The following PARD3 variants were observed in gnomAD, a reference collection of about 807,000 sequenced individuals.
PARD3 encodes partitioning defective 3 homolog.
Under a neutral mutation model 155.4 loss-of-function variants are expected in PARD3, and 75 were observed. The ratio of observed to expected loss-of-function variants is 0.48; its 90% confidence interval spans 0.40 to 0.58. PARD3 has a LOEUF of 0.58. Among genes scored for constraint, PARD3 ranks in the 20% least tolerant of loss-of-function variants. The probability of loss-of-function intolerance (pLI) is 0.00; values close to 1 mark genes in which losing one functional copy is unlikely to be tolerated. For synonymous variants in PARD3, 576 were observed against 610.5 expected (o/e 0.94, Z 0.83); for missense variants, 1,642 against 1,721.7 (o/e 0.95, Z 0.82).
intron 22 of PARD3, among the ~76,000 whole-genome samples, chr10:34,204,115 T>C (rs34621461): frequency 0.028 from 4,193 of 152,270 alleles, 89 homozygotes; most frequent in Non-Finnish European, 0.041. Flanking sequence ...GAAAGGTAAG[T>C]ACATCAACAT....
chr10:34,366,417 T>C (rs1839971092), intron 12 of PARD3, among the ~76,000 whole-genome samples: 1 of 152,126 alleles, frequency 6.6e-6, no homozygotes, highest in Non-Finnish European at 1.5e-5. Flanking sequence ...ATTTTCAACA[T>C]AGAGTGGGTT....
intron 2 of PARD3, among the ~76,000 whole-genome samples, chr10:34,583,317 G>A (rs1348359088): frequency 1.3e-5 from 2 of 152,094 alleles, no homozygotes; most frequent in Admixed American, 1.3e-4. Flanking sequence ...CTTAAAAATG[G>A]ACATCTAAGT....
intron 1 of PARD3, among the ~76,000 whole-genome samples, chr10:34,732,591 G>A (rs1476985135): frequency 1.3e-5 from 2 of 152,104 alleles, no homozygotes; most frequent in Admixed American, 6.6e-5. Flanking sequence ...CCAGCTGTTT[G>A]GGAGGCTGAG....
intron 14 of PARD3, among the ~76,000 whole-genome samples, chr10:34,349,402 C>T (rs1431935622): frequency 2.0e-5 from 3 of 151,444 alleles, no homozygotes; most frequent in Non-Finnish European, 2.9e-5. Context: ...GAATTAGACT[C>T]AATAAGGTTT....
At chr10:34,433,378 A>G (rs1484790219) in intron 5 of PARD3, among the ~76,000 whole-genome samples, 2 of 152,228 alleles carry the variant, frequency 1.3e-5, no homozygotes, top group Non-Finnish European at 2.9e-5. Flanking sequence ...CCTTTTAAAA[A>G]TAACAAATAC....
chr10:34,679,847 C>T (rs1009678003), intron 2 of PARD3, among the ~76,000 whole-genome samples: 2 of 152,148 alleles, frequency 1.3e-5, no homozygotes, highest in African/African-American at 4.8e-5. Flanking sequence ...CCAAATCAGA[C>T]ACCGCATGTT....
chr10:34,785,979 C>A (rs907705976), intron 1 of PARD3, among the ~76,000 whole-genome samples: 2 of 152,150 alleles, frequency 1.3e-5, no homozygotes, highest in Non-Finnish European at 2.9e-5. Flanking sequence ...CAGAGTAAGA[C>A]CCTGTCTCAA....
At chr10:34,138,634 T>C (rs1948024559) in intron 22 of PARD3, among the ~76,000 whole-genome samples, 1 of 152,196 alleles carries the variant, frequency 6.6e-6, no homozygotes, top group Non-Finnish European at 1.5e-5. Flanking sequence ...ATTTACTTAG[T>C]TTGCCAAGAG....
chr10:34,179,563 T>C (rs2133184312), intron 22 of PARD3, among the ~76,000 whole-genome samples: 1 of 152,314 alleles, frequency 6.6e-6, no homozygotes, highest in East Asian at 1.9e-4. Flanking sequence ...TAAATAAATG[T>C]CCCTTCGCTA....
intron 22 of PARD3, among the ~76,000 whole-genome samples, chr10:34,251,091 G>A (rs1427246967): frequency 4.6e-5 from 7 of 152,114 alleles, no homozygotes; most frequent in African/African-American, 1.4e-4. Flanking sequence ...AGATTAAGAC[G>A]CTTCCTAATT....
intron 2 of PARD3, among the ~76,000 whole-genome samples, chr10:34,587,193 G>A (rs574009152): frequency 1.3e-5 from 2 of 151,990 alleles, no homozygotes; most frequent in Admixed American, 6.6e-5. Context: ...ACACAATCTC[G>A]ACTCACTACA....
At chr10:34,346,219 G>A in intron 15 of PARD3, 1 of 1,151,746 alleles carries the variant, frequency 8.7e-7, no homozygotes, top group African/African-American at 1.6e-5. Flanking sequence ...GAGGACTAAT[G>A]AAGCTGTAGC....
chr10:34,479,676 G>GACAACTGCATGGCGCACCAGTGCT (rs1453820110), intron 3 of PARD3, among the ~76,000 whole-genome samples: 13 of 152,126 alleles, frequency 8.5e-5, no homozygotes, highest in Non-Finnish European at 1.9e-4. Context: ...CACCACAGTA[G>GACAACTGCATGGCGCACCAGTGCT]ACAACTGCAT....
chr10:34,671,550 T>C (rs2093610486), intron 2 of PARD3, among the ~76,000 whole-genome samples: 1 of 152,134 alleles, frequency 6.6e-6, no homozygotes, highest in Admixed American at 6.5e-5. Flanking sequence ...ATACAATCTT[T>C]CAAACTGCAG....
At chr10:34,762,842 C>G (rs551663600) in intron 1 of PARD3, among the ~76,000 whole-genome samples, 1 of 152,242 alleles carries the variant, frequency 6.6e-6, no homozygotes, top group Admixed American at 6.5e-5. Context: ...AGCAAACCTA[C>G]CAGCTACCAC....
intron 3 of PARD3, among the ~76,000 whole-genome samples, chr10:34,480,794 C>CT (rs61461165): frequency 0.082 from 10,345 of 125,764 alleles, 546 homozygotes; most frequent in African/African-American, 0.13. Flanking sequence ...GTTTCTTTTT[C>CT]TTTTTTTTTT....
At chr10:34,658,666 G>A (rs1419273172) in intron 2 of PARD3, among the ~76,000 whole-genome samples, 1 of 152,148 alleles carries the variant, frequency 6.6e-6, no homozygotes, top group Non-Finnish European at 1.5e-5. Flanking sequence ...ACTATTGCTG[G>A]GCAATGCAGA....
chr10:34,616,393 G>T (rs2091258913), intron 2 of PARD3, among the ~76,000 whole-genome samples: 1 of 152,040 alleles, frequency 6.6e-6, no homozygotes, highest in Non-Finnish European at 1.5e-5. Context: ...ACACCCAATG[G>T]AAAAGAAATC....
intron 22 of PARD3, among the ~76,000 whole-genome samples, chr10:34,238,224 T>C (rs113125730): frequency 4.1e-4 from 63 of 152,186 alleles, no homozygotes; most frequent in Non-Finnish European, 7.3e-4. Flanking sequence ...TCTTTCCTGA[T>C]TTCTAATCAA....
Sources: allele counts gnomAD v4.1 joint callset (sites outside exome capture counted in the v4.1 genomes callset), GRCh38; gene constraint gnomAD v4.1.1; transcripts MANE v1.5; gene names NCBI Gene and HGNC (gene_info 2026-07-23, HGNC 2026-07-21).